The following MARK4 variants were observed in gnomAD, a reference collection of about 807,000 sequenced individuals.
MARK4 encodes microtubule affinity regulating kinase 4.
MARK4 carries 19 observed loss-of-function variants against 81.5 expected under a neutral mutation model. The ratio of observed to expected loss-of-function variants is 0.23; its 90% CI spans 0.16 to 0.34. The LOEUF (loss-of-function observed/expected upper bound fraction) is 0.34. MARK4 is among the 10% of genes least tolerant of loss of function. The probability of loss-of-function intolerance (pLI) is 1.00; values close to 1 mark genes in which losing one functional copy is unlikely to be tolerated. For synonymous variants in MARK4, 436 were observed against 439.0 expected (o/e 0.99, Z 0.08); for missense variants, 772 against 1,058.8 (o/e 0.73, Z 3.76).
At chr19:45,276,178 C>T (rs992130034) in intron 8 of MARK4, among the ~76,000 whole-genome samples, 1 of 151,992 alleles carries the variant, frequency 6.6e-6, no homozygotes, top group Admixed American at 6.6e-5. Flanking sequence ...AGGCATGTGC[C>T]ACCACACCTG....
At chr19:45,267,136 G>A (rs1020861017) in intron 7 of MARK4, among the ~76,000 whole-genome samples, 2 of 152,004 alleles carry the variant, frequency 1.3e-5, no homozygotes, top group Non-Finnish European at 2.9e-5. Flanking sequence ...TCAGCTCGCT[G>A]CAACCTCCGC....
intron 13 of MARK4, 106 bp downstream of exon 13, chr19:45,287,770 CCTT>C (rs1457926287): frequency 1.6e-6 from 2 of 1,234,792 alleles, no homozygotes; most frequent in South Asian, 1.3e-5. Flanking sequence ...CTTACCAACT[CCTT>C]CTTCTACCCA....
intron 12 of MARK4, among the ~76,000 whole-genome samples, chr19:45,286,759 A>C (rs2123087634): frequency 6.6e-6 from 1 of 152,168 alleles, no homozygotes; most frequent in East Asian, 1.9e-4. Flanking sequence ...ATATAAAAAC[A>C]ATAAATTCTC....
intron 8 of MARK4, among the ~76,000 whole-genome samples, chr19:45,276,537 G>A (rs1188599042): frequency 6.6e-6 from 1 of 152,042 alleles, no homozygotes; most frequent in Non-Finnish European, 1.5e-5. Flanking sequence ...AGGAGAGGCA[G>A]TAGGGTCTCC....
At chr19:45,277,892 A>AC (rs749599521) in intron 8 of MARK4, 31 bp from the exon 9 acceptor site, 17 of 1,595,512 alleles carry the variant, frequency 1.1e-5, no homozygotes, top group Non-Finnish European at 1.3e-5. Context: ...GGCGGGGCAG[A>AC]CCCCCTCCTC....
At chr19:45,292,290 G>T (rs112344302) in intron 13 of MARK4, among the ~76,000 whole-genome samples, 3 of 151,862 alleles carry the variant, frequency 2.0e-5, no homozygotes, top group African/African-American at 4.8e-5. Flanking sequence ...GAGAAAAAGG[G>T]TGGAGGCAGT....
chr19:45,257,064 C>T (rs1026576819), intron 1 of MARK4, among the ~76,000 whole-genome samples: 1 of 151,986 alleles, frequency 6.6e-6, no homozygotes, highest in Non-Finnish European at 1.5e-5. Context: ...AAGCGATCTT[C>T]CCATCTCAGC....
chr19:45,255,453 C>T (rs1441297358), intron 1 of MARK4, among the ~76,000 whole-genome samples: 2 of 146,280 alleles, frequency 1.4e-5, no homozygotes, highest in Admixed American at 7.1e-5. Flanking sequence ...CCCAGCCACT[C>T]GGGAGGCTGA....
chr19:45,256,103 A>G (rs939733859), intron 1 of MARK4, among the ~76,000 whole-genome samples: 1 of 152,186 alleles, frequency 6.6e-6, no homozygotes. Context: ...CCATGGAAGG[A>G]GGATAACAGG....
chr19:45,251,557 C>A lies in MARK4; in HGVS notation c.-32C>A. 2 of 1,065,802 alleles carry A rather than the reference C, an allele frequency of 1.9e-6. No homozygotes were observed. Among genetic ancestry groups the A allele is most frequent in the Non-Finnish European group, 2.5e-6 (2 of 810,722 alleles). 66.0% of individuals were successfully genotyped at this position (1,065,802 alleles called of 1,614,324 possible). A position where few individuals can be genotyped will look rare whatever the true frequency, so the allele number is the denominator to read the frequency against. On this transcript the variant is annotated 5_prime_UTR_variant, in exon 1 of 17. Coordinates refer to ENST00000262891, the MANE Select transcript of MARK4 (RefSeq NM_001199867.2). Reference sequence around the variant, plus strand: ...CCCTGGGACCCCCGCCCCCCCCACCCGGCCGCCCCTGCCCCCCGGGACCCG... The same window carrying A: ...CCCTGGGACCCCCGCCCCCCCCACCAGGCCGCCCCTGCCCCCCGGGACCCG...
intron 2 of MARK4, among the ~76,000 whole-genome samples, chr19:45,260,885 C>A (rs1366165848): frequency 1.3e-5 from 2 of 152,140 alleles, no homozygotes; most frequent in African/African-American, 4.8e-5. Context: ...CCACCTCTTC[C>A]AGAGCAGGCA....
chr19:45,269,467 T>C (rs1040452973), intron 7 of MARK4, among the ~76,000 whole-genome samples: 2 of 152,136 alleles, frequency 1.3e-5, no homozygotes, highest in African/African-American at 4.8e-5. Context: ...TGTGTCTTTG[T>C]AGGGTTTGGG....
At chr19:45,298,079 TTCC>T (rs71173140) in intron 15 of MARK4, 125 bp downstream of exon 15, 1,496 of 1,478,256 alleles carry the variant, frequency 1.0e-3, no homozygotes, top group African/African-American at 1.8e-3. Flanking sequence ...TCCTCCTCGT[TTCC>T]TCCTCCTCCT....
intron 8 of MARK4, among the ~76,000 whole-genome samples, chr19:45,276,622 ATTTT>A (rs764253527): frequency 8.1e-6 from 1 of 123,622 alleles, no homozygotes. Flanking sequence ...CATTTTACAG[ATTTT>A]TTTTTTTTTT....
intron 14 of MARK4, among the ~76,000 whole-genome samples, chr19:45,295,155 C>G (rs1970870145): frequency 1.3e-5 from 2 of 151,166 alleles, no homozygotes; most frequent in African/African-American, 2.4e-5. Context: ...CGAGACCATC[C>G]TGGCTAACAT....
chr19:45,281,176 C>T (rs1970669161), intron 12 of MARK4, among the ~76,000 whole-genome samples: 1 of 151,690 alleles, frequency 6.6e-6, no homozygotes, highest in Non-Finnish European at 1.5e-5. Flanking sequence ...CCTTAGGCTC[C>T]CGAGTAGCTG....
chr19:45,262,328 ACT>A (rs1388716806), intron 2 of MARK4, among the ~76,000 whole-genome samples: 2 of 111,766 alleles, frequency 1.8e-5, no homozygotes, highest in African/African-American at 7.1e-5. Context: ...ACACAGCGAG[ACT>A]CTGCCTCCAA....
chr19:45,302,743 C>G lies in MARK4; in HGVS notation c.*33C>G. 1 of 1,535,010 alleles carries G rather than the reference C, an allele frequency of 6.5e-7. No homozygotes were observed. The highest frequency in any genetic ancestry group is 8.7e-7 in the Non-Finnish European group (1 of 1,146,334). On this transcript the variant is annotated 3_prime_UTR_variant, in exon 17 of 17. Coordinates refer to ENST00000262891, the MANE Select transcript of MARK4 (RefSeq NM_001199867.2). This position sits in a 1 kb window ranked among gnomAD's most constrained non-coding sequence, Gnocchi z 4.9. ...CGGTCCCAGGGCCCTTACTCTTCCT[C>G]TCCCTTGTCGCCTTCACTTCTACAG...
At chr19:45,299,607 C>T (rs540771020) in intron 15 of MARK4, among the ~76,000 whole-genome samples, 2 of 152,114 alleles carry the variant, frequency 1.3e-5, no homozygotes, top group South Asian at 2.1e-4. Context: ...TCTTCAGTAT[C>T]TTTCCTGTGA....
Sources: gnomAD v4.1 joint callset for allele counts (sites outside exome capture counted in the v4.1 genomes callset) on GRCh38, gnomAD v4.1.1 for gene constraint, Gnocchi (gnomAD v3.1) non-coding constraint, MANE v1.5 for transcripts, NCBI Gene and HGNC (gene_info 2026-07-23, HGNC 2026-07-21) for gene names.